Variants in ATF7 observed in about 807,000 individuals in gnomAD.
ATF7 encodes cyclic AMP-dependent transcription factor ATF-7.
In ATF7, 10 loss-of-function variants were observed where a neutral mutation model predicts 50.4. The ratio of observed to expected loss-of-function variants is 0.20; its 90% CI spans 0.12 to 0.34. The LOEUF (loss-of-function observed/expected upper bound fraction) is 0.34. ATF7 is among the 10% of genes least tolerant of loss of function. The probability of loss-of-function intolerance (pLI) is 1.00; values close to 1 mark genes in which losing one functional copy is unlikely to be tolerated. For missense variants in ATF7, 465 were observed against 613.9 expected, an observed-to-expected ratio of 0.76 and a Z score of 2.56; for synonymous variants, 201 against 226.4, an observed-to-expected ratio of 0.89 and a Z score of 1.01.
Position 53,517,081 on chromosome 12 carries a change from C to T in ATF7, c.*56G>A. The T allele has an allele frequency of 1.9e-6, 3 of 1,572,996 alleles. No homozygotes were observed. Among genetic ancestry groups the T allele is most frequent in the Non-Finnish European group, 2.6e-6 (3 of 1,154,842 alleles). On this transcript the variant is annotated 3_prime_UTR_variant, in exon 12 of 12. Coordinates refer to ENST00000420353, the MANE Select transcript of ATF7 (RefSeq NM_006856.3). ...GATGGGAGGGGATAAGATGACATCT[C>T]TCTTGGCTCTTGGGCGGGCGAGCTC...
At chr12:53,626,154 C>G (rs1944597919) in intron 1 of ATF7, 125 bp downstream of exon 1, 1 of 152,994 alleles carries the variant, frequency 6.5e-6, no homozygotes, top group Non-Finnish European at 1.5e-5. Context: ...GCCCGGCCAC[C>G]GCCTCAGCGC....
intron 1 of ATF7, among the ~76,000 whole-genome samples, chr12:53,608,117 G>A (rs922347576): frequency 5.9e-5 from 9 of 151,646 alleles, no homozygotes; most frequent in African/African-American, 1.7e-4. Context: ...CTACCCAGGA[G>A]GCTGAGGCAG....
chr12:53,543,286 G>C, intron 4 of ATF7, 44 bp downstream of exon 4: 1 of 1,554,190 alleles, frequency 6.4e-7, no homozygotes. Flanking sequence ...AAATAGCCTA[G>C]GTCTGAATAC....
In ATF7 at chr12:53,517,448, G is replaced by C. The variant is rs549392024; in HGVS notation, c.1235-94C>G. 10 of 1,238,204 alleles carry C rather than the reference G, an allele frequency of 8.1e-6. No individual in the cohort carries two copies. In the Admixed American group the frequency reaches 9.7e-5, roughly 12 times the overall value. 76.7% of individuals were successfully genotyped at this position (1,238,204 alleles called of 1,614,324 possible). ...TACCTTTTGCCATAATTCTAAAGGA[G>C]CCCAAAAGGGAAATGAAACCCATCT... On this transcript the variant is annotated intron_variant, in intron 11 of 11. Coordinates refer to ENST00000420353, the MANE Select transcript of ATF7 (RefSeq NM_006856.3).
chr12:53,589,789 C>T (rs1942867326), intron 2 of ATF7, among the ~76,000 whole-genome samples: 1 of 152,200 alleles, frequency 6.6e-6, no homozygotes, highest in African/African-American at 2.4e-5. Flanking sequence ...ATCAGTATTT[C>T]TCCTTCCCCC....
intron 1 of ATF7, among the ~76,000 whole-genome samples, chr12:53,622,306 AT>A (rs1312635725): frequency 1.4e-3 from 3 of 2,212 alleles, no homozygotes; most frequent in Non-Finnish European, 0.25. Context: ...CATCTCAAAA[AT>A]AATAATAATA....
intron 3 of ATF7, among the ~76,000 whole-genome samples, chr12:53,544,680 G>A (rs1354869492): frequency 6.6e-6 from 1 of 152,010 alleles, no homozygotes; most frequent in African/African-American, 2.4e-5. Flanking sequence ...CCCAGGAGGT[G>A]GAGGTTGCAG....
intron 11 of ATF7, among the ~76,000 whole-genome samples, chr12:53,521,694 TTTATC>T (rs1938138189): frequency 1.3e-5 from 2 of 152,350 alleles, no homozygotes; most frequent in East Asian, 3.9e-4. Context: ...ATTTTACCTA[TTTATC>T]TTGTTTATTG....
chr12:53,547,378 C>T (rs868419426), intron 3 of ATF7, among the ~76,000 whole-genome samples: 3 of 150,124 alleles, frequency 2.0e-5, no homozygotes, highest in African/African-American at 7.4e-5. Context: ...CTCCGCCTCC[C>T]GGGTTCAAGT....
chr12:53,596,313 C>T (rs1034588424), intron 2 of ATF7, among the ~76,000 whole-genome samples: 1 of 151,656 alleles, frequency 6.6e-6, no homozygotes, highest in Non-Finnish European at 1.5e-5. Context: ...AAAAACAAAA[C>T]AAAAAAAGGA....
Position 53,554,471 on chromosome 12 carries a change from C to T in ATF7, c.49-1834G>A, listed in dbSNP as rs938178601. Among the ~76,000 whole-genome samples the T allele has an allele frequency of 5.3e-5, 8 of 152,098 alleles. No homozygotes were observed. In the East Asian group the frequency reaches 1.4e-3, roughly 26 times the overall value. ...ATTAGCTGGGTGTGGTGATGCTCAC[C>T]TGTAGTTCCAGCTACTCAGGAGGCT... is the stretch of plus-strand genomic sequence containing the variant. On this transcript the variant is annotated intron_variant, in intron 2 of 11. Coordinates refer to ENST00000420353, the MANE Select transcript of ATF7 (RefSeq NM_006856.3).
chr12:53,596,623 A>G (rs776416857), intron 2 of ATF7, among the ~76,000 whole-genome samples: 26 of 152,340 alleles, frequency 1.7e-4, no homozygotes, highest in Non-Finnish European at 3.1e-4. Context: ...AAGCATCCAA[A>G]AGGTAAGTTA....
At chr12:53,537,968 T>TCA (rs1939321603) in intron 4 of ATF7, among the ~76,000 whole-genome samples, 1 of 152,064 alleles carries the variant, frequency 6.6e-6, no homozygotes, top group African/African-American at 2.4e-5. Context: ...TGCCTCAGCC[T>TCA]CCCAAAGTGT....
intron 1 of ATF7, among the ~76,000 whole-genome samples, chr12:53,618,860 T>C (rs144999401): frequency 7.2e-4 from 110 of 152,204 alleles, no homozygotes; most frequent in Non-Finnish European, 1.2e-3. Context: ...GAGACCACCC[T>C]GAGCAACATG....
intron 2 of ATF7, 107 bp downstream of exon 2, chr12:53,600,846 C>T: frequency 1.9e-6 from 2 of 1,068,164 alleles, no homozygotes; most frequent in Non-Finnish European, 2.8e-6. Context: ...ATCTGATTAC[C>T]TCCAGTGATC....
At chr12:53,589,414 T>C (rs1428811479) in intron 2 of ATF7, among the ~76,000 whole-genome samples, 1 of 152,254 alleles carries the variant, frequency 6.6e-6, no homozygotes, top group African/African-American at 2.4e-5. Flanking sequence ...ATTTTCATTG[T>C]ATTTTATTCT....
At chr12:53,577,446 G>A (rs887315405) in intron 2 of ATF7, among the ~76,000 whole-genome samples, 1 of 152,078 alleles carries the variant, frequency 6.6e-6, no homozygotes, top group African/African-American at 2.4e-5. Context: ...GCCGGGCGCG[G>A]TGGCTCATTC....
In ATF7 at chr12:53,580,294, G is replaced by A. The variant is rs1364264941; in HGVS notation, c.48+20659C>T. ...AAAAAAAAAAAGAGACAATGTCAGA[G>A]TCAATCAAAAAACAAGACCTAACTG... is the stretch of plus-strand genomic sequence containing the variant. On this transcript the variant is annotated intron_variant, in intron 2 of 11. Transcript: ENST00000420353. Among the ~76,000 whole-genome samples, 5 of 150,196 alleles carry A rather than the reference G, an allele frequency of 3.3e-5. No homozygotes were observed. The South Asian group carries it at 1.0e-3, about 31-fold the overall frequency.
rs1939007451 is a variant in ATF7, at chr12:53,533,150, C to T, written c.660+10G>A. On this transcript the variant is annotated intron_variant, in intron 7 of 11. Transcript: ENST00000420353. ...TTGGTAGGGTTGGCTGCCCCAACTA[C>T]AGAGCTCACCGATATAACAGACGGC... The T allele has an allele frequency of 6.2e-7, 1 of 1,606,122 alleles. No homozygotes were observed. Among genetic ancestry groups the T allele is most frequent in the African/African-American group, 1.3e-5 (1 of 74,812 alleles).
Sources: gnomAD v4.1 joint callset for allele counts (sites outside exome capture counted in the v4.1 genomes callset) on GRCh38, gnomAD v4.1.1 for gene constraint, MANE v1.5 for transcripts, NCBI Gene and HGNC (gene_info 2026-07-23, HGNC 2026-07-21) for gene names.